RBFOX3: variants seen among roughly 807,000 people sequenced by gnomAD.
RBFOX3 encodes RNA binding fox-1 homolog 3.
RBFOX3 carries 17 observed loss-of-function variants against 48.7 expected under a neutral mutation model. The ratio of observed to expected loss-of-function variants is 0.35; its 90% CI spans 0.24 to 0.52. The LOEUF (loss-of-function observed/expected upper bound fraction) is 0.52, where lower values mean the gene tolerates loss of function less well. RBFOX3 is among the 20% of genes least tolerant of loss of function. RBFOX3 has a pLI of 0.94. For missense variants in RBFOX3, 382 were observed against 497.5 expected (o/e 0.77, Z 2.21); for synonymous variants, 212 against 209.5 (o/e 1.01, Z -0.10).
rs116239294 is a variant in RBFOX3 at position 79,138,366 on chromosome 17, C to T, written c.-33-22618G>A. On this transcript the variant is annotated intron_variant, in intron 4 of 14. Coordinates refer to ENST00000693108, the MANE Select transcript of RBFOX3 (RefSeq NM_001350451.2). ...TGTCACACGCAGGTGTGAACACCCG[C>T]ACGCACACACTCCACACATACACAG... is the stretch of plus-strand genomic sequence containing the variant. Among the ~76,000 whole-genome samples the T allele has an allele frequency of 1.5e-3, 235 of 152,250 alleles. 1 individual carries two copies. The highest frequency in any genetic ancestry group is 5.2e-3 in the African/African-American group (215 of 41,524).
chr17:79,305,833 C>A (rs934356872), intron 3 of RBFOX3, among the ~76,000 whole-genome samples: 1 of 152,228 alleles, frequency 6.6e-6, no homozygotes, highest in Non-Finnish European at 1.5e-5. Context: ...GGGCAGGCAG[C>A]CTCCCTCCAA....
At chr17:79,590,341 G>C (rs1292220158) in intron 1 of RBFOX3, among the ~76,000 whole-genome samples, 2 of 152,050 alleles carry the variant, frequency 1.3e-5, no homozygotes, top group Non-Finnish European at 2.9e-5. Flanking sequence ...ATCCTTCCTA[G>C]GAAGCCCACA....
At chr17:79,505,518 T>A (rs200936557) in intron 1 of RBFOX3, among the ~76,000 whole-genome samples, 1 of 151,942 alleles carries the variant, frequency 6.6e-6, no homozygotes, top group African/African-American at 2.4e-5. Context: ...GCTCCTCTTC[T>A]GTCTCCTTCA....
the RBFOX3 span, among the ~76,000 whole-genome samples, chr17:79,621,274 C>T: frequency 1.3e-5 from 2 of 152,224 alleles, no homozygotes; most frequent in African/African-American, 4.8e-5. Context: ...GCTGGAATTA[C>T]AGGTGTGAGC....
intron 3 of RBFOX3, among the ~76,000 whole-genome samples, chr17:79,251,097 C>G (rs1237686563): frequency 9.2e-5 from 14 of 152,106 alleles, no homozygotes; most frequent in Non-Finnish European, 1.5e-4. Flanking sequence ...GCTGCCGCGC[C>G]CGGCCTATCC....
chr17:79,511,488 C>T (rs1555781099), intron 1 of RBFOX3, among the ~76,000 whole-genome samples: 2 of 152,126 alleles, frequency 1.3e-5, no homozygotes, highest in Admixed American at 6.5e-5. Context: ...AAGAGCTGCA[C>T]AGCAAAAGCA....
At chr17:79,544,975 C>CAAAAAAAAAAAAA (rs10584963) in intron 1 of RBFOX3, among the ~76,000 whole-genome samples, 3 of 81,642 alleles carry the variant, frequency 3.7e-5, no homozygotes, top group Non-Finnish European at 7.4e-5. Flanking sequence ...TCATTAAGGG[C>CAAAAAAAAAAAAA]AAAAAAAAAA....
intron 4 of RBFOX3, among the ~76,000 whole-genome samples, chr17:79,156,041 C>T (rs970937333): frequency 1.3e-5 from 2 of 152,232 alleles, no homozygotes; most frequent in African/African-American, 2.4e-5. Flanking sequence ...CCTCGTCCCT[C>T]GGCCAGGCCT....
chr17:79,425,364 G>A lies in RBFOX3; in HGVS notation c.-175+57090C>T, dbSNP rs563165010. ...CTGGGGGGGCTTGTGTGGCCCCAGTGCTCACTGGGAACCCACAGTGTGTAG... is the reference window on the plus strand; with the variant it reads ...CTGGGGGGGCTTGTGTGGCCCCAGTACTCACTGGGAACCCACAGTGTGTAG... On this transcript the variant is annotated intron_variant, in intron 2 of 14. Transcript: ENST00000693108. 5.5e-4 allele frequency among the ~76,000 whole-genome samples: 84 copies of A among 152,058 alleles called. 1 individual carries two copies. The highest frequency in any genetic ancestry group is 9.3e-4 in the Non-Finnish European group (63 of 67,940).
intron 1 of RBFOX3, among the ~76,000 whole-genome samples, chr17:79,552,156 A>G (rs2091216540): frequency 6.6e-6 from 1 of 152,344 alleles, no homozygotes. Flanking sequence ...GAAAGACCCT[A>G]GAAGACCAAG....
At chr17:79,656,830 AAAAGAAAG>A in the RBFOX3 span, among the ~76,000 whole-genome samples, 1 of 140,674 alleles carries the variant, frequency 7.1e-6, no homozygotes, top group African/African-American at 2.8e-5. Context: ...AGAAAGAAAG[AAAAGAAAG>A]AAAGAAAAGA....
rs1308285782 is a variant in RBFOX3, at chr17:79,477,262, A to G, written c.-175+5192T>C. On this transcript the variant is annotated intron_variant, in intron 2 of 14. Coordinates refer to ENST00000693108, the MANE Select transcript of RBFOX3 (RefSeq NM_001350451.2). The surrounding 1 kb of genome is among the most constrained non-coding windows in gnomAD (Gnocchi z 4.8). ...AAAAATAAATAAAGATAAATTAAAA[A>G]AAAAAAAAAAAAAAGAGGGCGCGGT... 6.8e-6 allele frequency among the ~76,000 whole-genome samples: 1 copy of G among 148,074 alleles called. No homozygotes were observed. Among genetic ancestry groups the G allele is most frequent in the African/African-American group, 2.5e-5 (1 of 40,324 alleles).
chr17:79,569,084 GAA>G (rs1282902133), intron 1 of RBFOX3, among the ~76,000 whole-genome samples: 1 of 137,282 alleles, frequency 7.3e-6, no homozygotes. Context: ...TCTATAGCAA[GAA>G]AAAAAAAAAA....
At chr17:79,177,887 G>C (rs906861375) in intron 4 of RBFOX3, among the ~76,000 whole-genome samples, 1 of 152,120 alleles carries the variant, frequency 6.6e-6, no homozygotes, top group Non-Finnish European at 1.5e-5. Context: ...CCCTGGCCCC[G>C]GCCCTCTCCA....
At chr17:79,312,338 T>C (rs1157761765) in intron 2 of RBFOX3, among the ~76,000 whole-genome samples, 1 of 148,980 alleles carries the variant, frequency 6.7e-6, no homozygotes, top group Non-Finnish European at 1.5e-5. Flanking sequence ...AGAGAGCCGG[T>C]GGCAGCAAGC....
chr17:79,353,391 C>T (rs1327197804), intron 2 of RBFOX3, among the ~76,000 whole-genome samples: 2 of 152,194 alleles, frequency 1.3e-5, no homozygotes, highest in Admixed American at 1.3e-4. Context: ...CACTTGCATG[C>T]TCCTCCTCCT....
At chr17:79,327,483 G>A (rs2079513113) in intron 2 of RBFOX3, among the ~76,000 whole-genome samples, 1 of 152,222 alleles carries the variant, frequency 6.6e-6, no homozygotes, top group Non-Finnish European at 1.5e-5. Context: ...CAGCGACCAC[G>A]GATGAATGCT....
At chr17:79,617,267 G>T in the RBFOX3 span, among the ~76,000 whole-genome samples, 2 of 151,980 alleles carry the variant, frequency 1.3e-5, no homozygotes, top group Non-Finnish European at 2.9e-5. Flanking sequence ...TCCTGCTCTG[G>T]GGATGGGGGG....
Position 79,421,583 on chromosome 17 carries a change from G to A in RBFOX3, c.-175+60871C>T, listed in dbSNP as rs1456673172. 6.6e-6 allele frequency among the ~76,000 whole-genome samples: 1 copy of A among 152,192 alleles called. No homozygotes were observed. Among genetic ancestry groups the A allele is most frequent in the Non-Finnish European group, 1.5e-5 (1 of 68,032 alleles). On this transcript the variant is annotated intron_variant, in intron 2 of 14. Coordinates refer to ENST00000693108, the MANE Select transcript of RBFOX3 (RefSeq NM_001350451.2). The surrounding 1 kb of genome is among the most constrained non-coding windows in gnomAD (Gnocchi z 4.5). ...GACCCATGCTGGCATTGGGTGACAGGAGGGGGCCCCAGAAGTTGAGGACAC... is the reference window on the plus strand; with the variant it reads ...GACCCATGCTGGCATTGGGTGACAGAAGGGGGCCCCAGAAGTTGAGGACAC...
Sources: allele counts gnomAD v4.1 joint callset (sites outside exome capture counted in the v4.1 genomes callset), GRCh38; gene constraint gnomAD v4.1.1; non-coding constraint Gnocchi (gnomAD v3.1); transcripts MANE v1.5; gene names NCBI Gene and HGNC (gene_info 2026-07-23, HGNC 2026-07-21).